The following FLNB variants were observed in gnomAD, a reference collection of about 807,000 sequenced individuals.
FLNB encodes the protein filamin-B.
In FLNB, 111 loss-of-function variants were observed where a neutral mutation model predicts 250.6. That is an observed-to-expected ratio of 0.44 (90% confidence interval 0.38 to 0.52). FLNB has a LOEUF of 0.52. Ranked by LOEUF, FLNB falls within the 20% of genes least tolerant of loss-of-function variation. FLNB has a pLI of 0.00. For missense variants in FLNB, 2,869 were observed against 3,447.8 expected (o/e 0.83, Z 4.20); for synonymous variants, 1,302 against 1,372.1 (o/e 0.95, Z 1.13).
rs574014936 is a variant in FLNB at position 58,039,597 on chromosome 3, C to T, written c.292+30741C>T. The stretch of plus-strand genomic sequence containing the variant: ...GTAATTCAAGTTGCTGAGTAGCAAA[C>T]AAGAACTACAATGACTAGAAGGAAC... On this transcript the variant is annotated intron_variant, in intron 1 of 45. Transcript: ENST00000295956. 2.1e-4 allele frequency among the ~76,000 whole-genome samples: 32 copies of T among 152,264 alleles called. No individual in the cohort carries two copies. In the South Asian group the frequency reaches 6.2e-3, roughly 30 times the overall value.
chr3:58,104,168 A>T (rs1204457214), intron 10 of FLNB, 83 bp downstream of exon 10: 1 of 1,415,128 alleles, frequency 7.1e-7, no homozygotes, highest in African/African-American at 1.4e-5. Context: ...CCCGGGCTGC[A>T]GGAGGGAAAG....
At position 58,148,383 on chromosome 3, in the gene FLNB, C is replaced by T. The variant is rs748953839; in HGVS notation, c.5887+19C>T. ...CACATTGGTGAGCTAGGCTACCCTT[C>T]CTGGCTGGAGCCAGGACATCTTGGG... On this transcript the variant is annotated intron_variant, in intron 35 of 45. Coordinates refer to ENST00000295956, the MANE Select transcript of FLNB (RefSeq NM_001457.4). 1 of 1,610,714 alleles carries T rather than the reference C, an allele frequency of 6.2e-7. No homozygotes were observed. Among genetic ancestry groups the T allele is most frequent in the South Asian group, 1.1e-5 (1 of 90,436 alleles).
chr3:58,025,260 G>T (rs1462190374), intron 1 of FLNB, among the ~76,000 whole-genome samples: 2 of 151,068 alleles, frequency 1.3e-5, no homozygotes, highest in African/African-American at 4.9e-5. Context: ...CTCCCGAGTA[G>T]CTGGGACCAC....
chr3:58,130,297 T>C (rs1030586249), intron 24 of FLNB, among the ~76,000 whole-genome samples: 6 of 152,178 alleles, frequency 3.9e-5, no homozygotes, highest in Admixed American at 2.6e-4. Flanking sequence ...GGCTCCTGCA[T>C]GTGCTGAGGC....
intron 1 of FLNB, among the ~76,000 whole-genome samples, chr3:58,011,808 C>T (rs1559634659): frequency 6.6e-6 from 1 of 152,242 alleles, no homozygotes; most frequent in Admixed American, 6.5e-5. Flanking sequence ...TAATGATCTG[C>T]TTCTGCAAGT....
intron 24 of FLNB, among the ~76,000 whole-genome samples, 177 bp from the exon 25 acceptor site, chr3:58,130,564 G>A (rs2097305565): frequency 6.6e-6 from 1 of 152,192 alleles, no homozygotes; most frequent in Admixed American, 6.5e-5. Flanking sequence ...TAGGTGTTCT[G>A]TGAGAATGGT....
At chr3:58,079,635 A>G (rs2097206418) in intron 3 of FLNB, among the ~76,000 whole-genome samples, 1 of 152,244 alleles carries the variant, frequency 6.6e-6, no homozygotes, top group African/African-American at 2.4e-5. Context: ...CCATAATCCT[A>G]TCACAGGAAT....
At chr3:58,059,744 G>A (rs1481184116) in intron 1 of FLNB, among the ~76,000 whole-genome samples, 3 of 152,168 alleles carry the variant, frequency 2.0e-5, no homozygotes, top group Non-Finnish European at 2.9e-5. Flanking sequence ...CGTTTATCAC[G>A]GGCCAGAGTT....
At chr3:58,157,622 A>G (rs1294077607) in intron 41 of FLNB, among the ~76,000 whole-genome samples, 5 of 152,216 alleles carry the variant, frequency 3.3e-5, no homozygotes, top group Admixed American at 2.6e-4. Flanking sequence ...TTTTGTGGCC[A>G]ACTTAACTAA....
chr3:58,094,772 G>A (rs1033034270), intron 4 of FLNB, 64 bp from the exon 5 acceptor site: 4 of 1,343,384 alleles, frequency 3.0e-6, no homozygotes, highest in Non-Finnish European at 4.3e-6. Context: ...AAGAGATGCA[G>A]TGGGCGATGG....
At chr3:58,123,049 G>A in intron 20 of FLNB, 44 bp from the exon 21 acceptor site, 1 of 1,545,448 alleles carries the variant, frequency 6.5e-7, no homozygotes, top group Non-Finnish European at 9.0e-7. Context: ...TGCTGGCTGA[G>A]CAGCGATCCC....
chr3:58,116,023 A>G (rs760707121), intron 18 of FLNB, among the ~76,000 whole-genome samples: 1 of 151,966 alleles, frequency 6.6e-6, no homozygotes, highest in African/African-American at 2.4e-5. Context: ...GCCTGGCCCT[A>G]TAAGTGCTCT....
intron 32 of FLNB, 25 bp downstream of exon 32, chr3:58,143,638 A>C (rs754258562): frequency 6.2e-7 from 1 of 1,613,050 alleles, no homozygotes; most frequent in Non-Finnish European, 8.5e-7. Context: ...CAGGCCCAGC[A>C]GGGCTCCACC....
At chr3:58,051,318 G>A (rs1315084002) in intron 1 of FLNB, among the ~76,000 whole-genome samples, 5 of 152,188 alleles carry the variant, frequency 3.3e-5, no homozygotes, top group Admixed American at 1.3e-4. Flanking sequence ...GGGACTGGCC[G>A]AATCATCCCT....
At chr3:58,092,584 T>C (rs1240488749) in intron 4 of FLNB, among the ~76,000 whole-genome samples, 1 of 152,104 alleles carries the variant, frequency 6.6e-6, no homozygotes, top group Non-Finnish European at 1.5e-5. Context: ...AGGTCGAGGT[T>C]GCAGTGAGCC....
chr3:58,009,176 C>T (rs750293061), intron 1 of FLNB, among the ~76,000 whole-genome samples: 1 of 152,172 alleles, frequency 6.6e-6, no homozygotes, highest in Non-Finnish European at 1.5e-5. Flanking sequence ...CCTATGGGAG[C>T]TAGGGGACTA....
intron 27 of FLNB, among the ~76,000 whole-genome samples, chr3:58,135,300 A>G (rs1242122604): frequency 6.6e-6 from 1 of 152,194 alleles, no homozygotes; most frequent in African/African-American, 2.4e-5. Context: ...AGGCTAAGCC[A>G]CCTGGGTGCC....
intron 1 of FLNB, among the ~76,000 whole-genome samples, chr3:58,031,543 CTT>C (rs764190111): frequency 1.8e-4 from 14 of 77,132 alleles, no homozygotes; most frequent in Non-Finnish European, 1.5e-4. Flanking sequence ...CGTGCCCTGC[CTT>C]TTTTTTTTTT....
chr3:58,155,955 C>A lies in FLNB; in HGVS notation c.6773-5C>A. The A allele has an allele frequency of 6.3e-7, 1 of 1,599,974 alleles. No individual in the cohort carries two copies. The highest frequency in any genetic ancestry group is 8.6e-7 in the Non-Finnish European group (1 of 1,167,162). On this transcript the variant is annotated splice_polypyrimidine_tract_variant and splice_region_variant and intron_variant, in intron 40 of 45. Coordinates refer to ENST00000295956, the MANE Select transcript of FLNB (RefSeq NM_001457.4). ...TGAAATGATGGGACTTTCCTGTCCT[C>A]ATAGGTAACTACGAGGTGTCCATCA...
Sources: gnomAD v4.1 joint callset for allele counts (sites outside exome capture counted in the v4.1 genomes callset) on GRCh38, gnomAD v4.1.1 for gene constraint, MANE v1.5 for transcripts, NCBI Gene and HGNC (gene_info 2026-07-23, HGNC 2026-07-21) for gene names.